TSHZ2: variants seen among roughly 807,000 people sequenced by gnomAD.
TSHZ2 encodes the protein teashirt zinc finger homeobox 2, also known as teashirt homolog 2.
In TSHZ2, 21 loss-of-function variants were observed where a neutral mutation model predicts 74.4. That is an observed-to-expected ratio of 0.28 (90% CI 0.20 to 0.41). The LOEUF (loss-of-function observed/expected upper bound fraction) is 0.41, where lower values mean the gene tolerates loss of function less well. Among genes scored for constraint, TSHZ2 ranks in the 10% least tolerant of loss-of-function variants. The pLI is 1.00. For missense variants in TSHZ2, 1,244 were observed against 1,293.5 expected (o/e 0.96, Z 0.59); for synonymous variants, 540 against 515.3 (o/e 1.05, Z -0.65).
At chr20:53,269,574 T>C (rs755650410) in intron 2 of TSHZ2, among the ~76,000 whole-genome samples, 31 of 152,218 alleles carry the variant, frequency 2.0e-4, no homozygotes, top group Middle Eastern at 3.4e-3. Flanking sequence ...CATGATGATA[T>C]GATGATGGTG....
At chr20:53,036,421 T>C (rs1983819199) in intron 1 of TSHZ2, among the ~76,000 whole-genome samples, 1 of 151,950 alleles carries the variant, frequency 6.6e-6, no homozygotes, top group Non-Finnish European at 1.5e-5. Flanking sequence ...ATAACGTGTA[T>C]GTATATGCAC....
intron 1 of TSHZ2, among the ~76,000 whole-genome samples, chr20:52,992,491 T>C (rs1473140899): frequency 1.3e-5 from 2 of 152,110 alleles, no homozygotes; most frequent in Admixed American, 1.3e-4. Flanking sequence ...GTGGATCCCA[T>C]AGGAGCCCCT....
At chr20:53,205,090 CAA>C (rs778251077) in intron 1 of TSHZ2, among the ~76,000 whole-genome samples, 15 of 83,094 alleles carry the variant, frequency 1.8e-4, no homozygotes, top group Admixed American at 4.2e-4. Context: ...GACTCCATCT[CAA>C]AAAAAAAAAA....
intron 1 of TSHZ2, among the ~76,000 whole-genome samples, chr20:53,244,465 G>A (rs971837513): frequency 2.6e-5 from 4 of 152,110 alleles, no homozygotes; most frequent in Non-Finnish European, 5.9e-5. Flanking sequence ...TGGGTGTAAG[G>A]ATAATGTAAG....
intron 1 of TSHZ2, among the ~76,000 whole-genome samples, chr20:53,102,742 G>A (rs1313519313): frequency 1.3e-5 from 2 of 152,294 alleles, no homozygotes; most frequent in Non-Finnish European, 2.9e-5. Context: ...TATTATGGTA[G>A]AACGGAAGAA....
intron 1 of TSHZ2, among the ~76,000 whole-genome samples, chr20:53,163,927 T>C (rs1433696041): frequency 1.3e-5 from 2 of 152,258 alleles, no homozygotes; most frequent in African/African-American, 2.4e-5. Flanking sequence ...TTTTTTATTC[T>C]GGTTTTCTCC....
At chr20:53,018,700 T>G (rs1983128271) in intron 1 of TSHZ2, among the ~76,000 whole-genome samples, 2 of 152,168 alleles carry the variant, frequency 1.3e-5, no homozygotes, top group African/African-American at 2.4e-5. Context: ...GTAGGCAAGA[T>G]TTTGCATTTG....
chr20:53,235,324 T>C (rs1031427296), intron 1 of TSHZ2, among the ~76,000 whole-genome samples: 1 of 151,622 alleles, frequency 6.6e-6, no homozygotes, highest in Non-Finnish European at 1.5e-5. Context: ...TGGACCACCA[T>C]ACCCAGCCAA....
chr20:53,020,044 T>C (rs6512873), intron 1 of TSHZ2, among the ~76,000 whole-genome samples: 101,344 of 151,960 alleles, frequency 0.67, 34,159 homozygotes, highest in Non-Finnish European at 0.71. Flanking sequence ...GAAGAGAGTA[T>C]GCAGGGGGAA....
At chr20:53,259,458 G>T (rs1990556618) in intron 2 of TSHZ2, among the ~76,000 whole-genome samples, 1 of 152,178 alleles carries the variant, frequency 6.6e-6, no homozygotes, top group African/African-American at 2.4e-5. Flanking sequence ...ATATGTATTT[G>T]TATATAGCTT....
At chr20:53,192,999 C>G (rs1988774956) in intron 1 of TSHZ2, among the ~76,000 whole-genome samples, 1 of 152,106 alleles carries the variant, frequency 6.6e-6, no homozygotes, top group Non-Finnish European at 1.5e-5. Flanking sequence ...GCTGTGCCAG[C>G]AGGTAAACAC....
chr20:53,197,289 G>A (rs1484106113), intron 1 of TSHZ2, among the ~76,000 whole-genome samples: 1 of 152,216 alleles, frequency 6.6e-6, no homozygotes, highest in African/African-American at 2.4e-5. Context: ...ATATGGTATA[G>A]CAATGGAATT....
intron 1 of TSHZ2, among the ~76,000 whole-genome samples, chr20:53,095,764 A>G (rs1349775156): frequency 6.6e-6 from 1 of 151,208 alleles, no homozygotes; most frequent in African/African-American, 2.4e-5. Context: ...TCTCCTTCTT[A>G]CCCCCCACCC....
At chr20:53,457,314 GA>G (rs1985136914) in intron 2 of TSHZ2, among the ~76,000 whole-genome samples, 1 of 133,064 alleles carries the variant, frequency 7.5e-6, no homozygotes. Context: ...TATTCTCTTT[GA>G]AGCAATTGTG....
chr20:53,314,622 CTT>C (rs11475290), intron 2 of TSHZ2, among the ~76,000 whole-genome samples: 198 of 126,596 alleles, frequency 1.6e-3, no homozygotes, highest in African/African-American at 3.8e-3. Flanking sequence ...GTAGTCCTAG[CTT>C]TTTTTTTTTT....
intron 1 of TSHZ2, among the ~76,000 whole-genome samples, chr20:53,175,118 C>T (rs1988297933): frequency 1.5e-5 from 2 of 137,426 alleles, no homozygotes; most frequent in Admixed American, 1.6e-4. Flanking sequence ...CCTTCTCCTC[C>T]TTCTTCTTCT....
intron 1 of TSHZ2, among the ~76,000 whole-genome samples, chr20:53,164,254 A>G (rs905284226): frequency 6.6e-6 from 1 of 152,184 alleles, no homozygotes; most frequent in African/African-American, 2.4e-5. Context: ...TTATTACACA[A>G]CTTCTCCCCA....
At chr20:53,151,857 G>A (rs2078444476) in intron 1 of TSHZ2, among the ~76,000 whole-genome samples, 1 of 152,140 alleles carries the variant, frequency 6.6e-6, no homozygotes, top group Non-Finnish European at 1.5e-5. Context: ...AGCATAATGT[G>A]AGATGAAGCA....
chr20:53,337,232 A>G (rs1979988747), intron 2 of TSHZ2, among the ~76,000 whole-genome samples: 1 of 152,200 alleles, frequency 6.6e-6, no homozygotes, highest in Non-Finnish European at 1.5e-5. Flanking sequence ...GTTGAAGATA[A>G]TCTCCTTTGC....
Sources: allele counts gnomAD v4.1 joint callset (sites outside exome capture counted in the v4.1 genomes callset), GRCh38; gene constraint gnomAD v4.1.1; transcripts MANE v1.5; gene names NCBI Gene and HGNC (gene_info 2026-07-23, HGNC 2026-07-21).